The following SUGCT variants were observed in gnomAD, a reference collection of about 807,000 sequenced individuals.
SUGCT encodes the protein succinyl-CoA:glutarate CoA-transferase.
Under a neutral mutation model 55.0 loss-of-function variants are expected in SUGCT, and 41 were observed. The ratio of observed to expected loss-of-function variants is 0.74; its 90% confidence interval spans 0.58 to 0.97. The LOEUF (loss-of-function observed/expected upper bound fraction) is 0.97, where lower values mean the gene tolerates loss of function less well. Ranked by LOEUF, SUGCT falls within the 50% of genes least tolerant of loss-of-function variation. SUGCT has a pLI of 0.00. For synonymous variants in SUGCT, 187 were observed against 200.4 expected (o/e 0.93, Z 0.56); for missense variants, 568 against 547.8 (o/e 1.04, Z -0.37).
chr7:40,638,237 A>T (rs142279196), intron 12 of SUGCT, among the ~76,000 whole-genome samples: 234 of 152,334 alleles, frequency 1.5e-3, no homozygotes, highest in African/African-American at 5.1e-3. Flanking sequence ...TGTAAAACAT[A>T]GGCAATTAAT....
intron 9 of SUGCT, among the ~76,000 whole-genome samples, chr7:40,398,515 C>CTTTTTTTTTTTTTTTTTTTATTTTTTTTT (rs138325012): frequency 7.6e-6 from 1 of 130,934 alleles, no homozygotes. Flanking sequence ...ACTTTACTGG[C>CTTTTTTTTTTTTTTTTTTTATTTTTTTTT]TTTTTTTTTT....
At chr7:40,841,119 T>C (rs992113640) in intron 13 of SUGCT, among the ~76,000 whole-genome samples, 1 of 152,078 alleles carries the variant, frequency 6.6e-6, no homozygotes, top group South Asian at 2.1e-4. Context: ...CAAAATGTCA[T>C]GTGGGAACCT....
the SUGCT span, among the ~76,000 whole-genome samples, chr7:40,938,300 G>T: frequency 6.6e-6 from 1 of 150,964 alleles, no homozygotes; most frequent in African/African-American, 2.4e-5. Flanking sequence ...GTATCTTTTG[G>T]GTTCACCTGT....
the SUGCT span, among the ~76,000 whole-genome samples, chr7:41,016,275 G>A: frequency 1.3e-5 from 2 of 152,118 alleles, no homozygotes; most frequent in East Asian, 1.9e-4. Context: ...GTGCATTCAA[G>A]GTGGATGTTT....
intron 12 of SUGCT, among the ~76,000 whole-genome samples, chr7:40,598,930 A>G (rs1798158388): frequency 6.6e-6 from 1 of 152,206 alleles, no homozygotes; most frequent in Non-Finnish European, 1.5e-5. Context: ...GATTCTTAAT[A>G]AGAGCATCTC....
chr7:40,636,421 A>G (rs1800022875), intron 12 of SUGCT, among the ~76,000 whole-genome samples: 1 of 152,130 alleles, frequency 6.6e-6, no homozygotes, highest in South Asian at 2.1e-4. Context: ...TGAGCCTGCA[A>G]TTTACCCAGT....
At chr7:40,331,828 G>T (rs1037556104) in intron 9 of SUGCT, among the ~76,000 whole-genome samples, 1 of 152,170 alleles carries the variant, frequency 6.6e-6, no homozygotes, top group Admixed American at 6.5e-5. Context: ...TGGGAGAGAA[G>T]TTCCACACTG....
chr7:40,801,748 C>T (rs954060215), intron 13 of SUGCT, among the ~76,000 whole-genome samples: 2 of 151,500 alleles, frequency 1.3e-5, no homozygotes, highest in African/African-American at 4.9e-5. Context: ...GTTTATATAC[C>T]TTGGACATAG....
chr7:40,287,127 A>G (rs919221054), intron 8 of SUGCT, among the ~76,000 whole-genome samples: 21 of 152,102 alleles, frequency 1.4e-4, no homozygotes, highest in African/African-American at 5.1e-4. Flanking sequence ...TAGGCTGTTT[A>G]TATTCTCTAA....
At chr7:40,419,066 G>A (rs559975197) in intron 9 of SUGCT, among the ~76,000 whole-genome samples, 1 of 152,188 alleles carries the variant, frequency 6.6e-6, no homozygotes, top group South Asian at 2.1e-4. Flanking sequence ...TATAAAGTAT[G>A]TTAAATGAGT....
At chr7:40,315,465 C>T (rs1795374195) in intron 8 of SUGCT, among the ~76,000 whole-genome samples, 1 of 152,202 alleles carries the variant, frequency 6.6e-6, no homozygotes, top group Non-Finnish European at 1.5e-5. Context: ...GTTTTGCCAC[C>T]TGGGCTGTAC....
At chr7:40,263,272 A>C (rs930422462) in intron 7 of SUGCT, among the ~76,000 whole-genome samples, 3 of 152,202 alleles carry the variant, frequency 2.0e-5, no homozygotes, top group Admixed American at 2.0e-4. Flanking sequence ...GGCACTTATA[A>C]AATTATCTTT....
At chr7:40,263,049 AG>A (rs1791331077) in intron 7 of SUGCT, among the ~76,000 whole-genome samples, 2 of 152,164 alleles carry the variant, frequency 1.3e-5, no homozygotes, top group South Asian at 4.1e-4. Context: ...CAGCCTCCCC[AG>A]TAGCTGAGAT....
intron 12 of SUGCT, among the ~76,000 whole-genome samples, chr7:40,528,889 A>G (rs963675350): frequency 5.3e-5 from 8 of 152,212 alleles, no homozygotes; most frequent in African/African-American, 1.9e-4. Flanking sequence ...GTGTAGCAAG[A>G]TGGCAGTCTT....
chr7:40,184,729 A>G (rs1304437312), intron 3 of SUGCT, among the ~76,000 whole-genome samples: 1 of 152,214 alleles, frequency 6.6e-6, no homozygotes, highest in Non-Finnish European at 1.5e-5. Flanking sequence ...TCCCCAAATC[A>G]GTGAGACTGG....
intron 8 of SUGCT, among the ~76,000 whole-genome samples, chr7:40,306,895 T>C (rs1794878865): frequency 6.6e-6 from 1 of 152,216 alleles, no homozygotes; most frequent in African/African-American, 2.4e-5. Context: ...TGCTGTCTGG[T>C]CTTACCTCTG....
chr7:40,308,613 T>A lies in SUGCT; in HGVS notation c.721-8147T>A, dbSNP rs184013913. Among the ~76,000 whole-genome samples, 667 of 152,310 alleles carry A rather than the reference T, an allele frequency of 4.4e-3. 1 individual carries two copies. The highest frequency in any genetic ancestry group is 0.015 in the African/African-American group (642 of 41,572). On this transcript the variant is annotated intron_variant, in intron 8 of 13. Transcript: ENST00000335693. ...CCTCATCTTGTACTACTGTCTCTTT[T>A]ACTTACTAGGTTCCAACTCCAATGG...
At chr7:40,948,854 T>C in the SUGCT span, among the ~76,000 whole-genome samples, 2 of 152,212 alleles carry the variant, frequency 1.3e-5, no homozygotes, top group Non-Finnish European at 2.9e-5. Context: ...CAGTCTGTCA[T>C]TGATGGACAT....
the SUGCT span, among the ~76,000 whole-genome samples, chr7:40,898,432 C>A: frequency 8.1e-5 from 10 of 124,056 alleles, no homozygotes; most frequent in African/African-American, 3.1e-4. Flanking sequence ...CTGTAACACT[C>A]GGCAGGGCAT....
Sources: allele counts gnomAD v4.1 joint callset (sites outside exome capture counted in the v4.1 genomes callset), GRCh38; gene constraint gnomAD v4.1.1; transcripts MANE v1.5; gene names NCBI Gene and HGNC (gene_info 2026-07-23, HGNC 2026-07-21).